BCAS3: variants seen among roughly 807,000 people sequenced by gnomAD.
BCAS3 encodes BCAS4/BCAS3 fusion.
In BCAS3, 53 loss-of-function variants were observed where a neutral mutation model predicts 116.1. The ratio of observed to expected loss-of-function variants is 0.46; its 90% CI spans 0.37 to 0.57. The LOEUF (loss-of-function observed/expected upper bound fraction) is 0.57, where lower values mean the gene tolerates loss of function less well. Among genes scored for constraint, BCAS3 ranks in the 20% least tolerant of loss-of-function variants. The pLI, the probability that BCAS3 is intolerant of heterozygous loss-of-function variation, is 0.00. For synonymous variants in BCAS3, 391 were observed against 408.2 expected, an observed-to-expected ratio of 0.96 and a Z score of 0.51; for missense variants, 917 against 1,165.4, an observed-to-expected ratio of 0.79 and a Z score of 3.10.
intron 4 of BCAS3, among the ~76,000 whole-genome samples, chr17:60,692,027 G>C (rs1056221135): frequency 2.7e-5 from 4 of 150,896 alleles, no homozygotes; most frequent in Non-Finnish European, 5.9e-5. Context: ...TCCAGCTTGG[G>C]GGCAACAAGA....
chr17:61,154,681 G>A (rs1224994116), intron 22 of BCAS3, among the ~76,000 whole-genome samples: 2 of 151,984 alleles, frequency 1.3e-5, no homozygotes, highest in African/African-American at 4.8e-5. Flanking sequence ...GAGCTTAAGC[G>A]ACCCTCCCCA....
At chr17:60,816,746 G>A (rs1453630257) in intron 7 of BCAS3, among the ~76,000 whole-genome samples, 1 of 152,140 alleles carries the variant, frequency 6.6e-6, no homozygotes, top group East Asian at 1.9e-4. Context: ...ACAGTTTGGG[G>A]TGGTTTTGTT....
At chr17:60,907,325 G>A (rs1057391787) in intron 11 of BCAS3, among the ~76,000 whole-genome samples, 3 of 151,942 alleles carry the variant, frequency 2.0e-5, no homozygotes, top group Non-Finnish European at 2.9e-5. Flanking sequence ...CCTCATTACC[G>A]TCTTATTTTC....
chr17:60,823,658 G>A (rs1349759718), intron 7 of BCAS3, among the ~76,000 whole-genome samples: 2 of 152,188 alleles, frequency 1.3e-5, no homozygotes, highest in Non-Finnish European at 2.9e-5. Context: ...AGTTAGGTCA[G>A]TCACTGAACT....
At chr17:61,270,964 G>A (rs752897436) in intron 22 of BCAS3, among the ~76,000 whole-genome samples, 11 of 151,240 alleles carry the variant, frequency 7.3e-5, no homozygotes, top group Non-Finnish European at 1.3e-4. Context: ...TCTCCATGTT[G>A]GTCAGCCTGG....
At position 61,084,969 on chromosome 17, in the gene BCAS3, T is replaced by C. The variant is rs2072959797; in HGVS notation, c.2425+405T>C. On this transcript the variant is annotated intron_variant, in intron 22 of 23. Transcript: ENST00000407086. This position sits in a 1 kb window ranked among gnomAD's most constrained non-coding sequence, Gnocchi z 5.5. ...GGGAGTAGAGAGGAGACAGTCCAAA[T>C]GCTATAGCTTGAATGATTTTATTAT... Among the ~76,000 whole-genome samples, 1 of 152,212 alleles carries C rather than the reference T, an allele frequency of 6.6e-6. No individual in the cohort carries two copies. Among genetic ancestry groups the C allele is most frequent in the African/African-American group, 2.4e-5 (1 of 41,450 alleles).
intron 22 of BCAS3, among the ~76,000 whole-genome samples, chr17:61,119,258 A>G (rs2075659325): frequency 6.6e-6 from 1 of 152,246 alleles, no homozygotes; most frequent in Admixed American, 6.5e-5. Context: ...CATAAAAGAG[A>G]GCTATGTAGC....
chr17:60,874,948 C>G (rs530618022), intron 9 of BCAS3, among the ~76,000 whole-genome samples: 54 of 152,164 alleles, frequency 3.5e-4, no homozygotes, highest in African/African-American at 1.3e-3. Context: ...TATTACTAAG[C>G]AAGCTTTGTT....
chr17:60,688,951 T>TAGGTTG, intron 3 of BCAS3: 1 of 152,240 alleles, frequency 6.6e-6, no homozygotes, highest in East Asian at 1.9e-4. Context: ...AAGCAGCTGA[T>TAGGTTG]AGGTTGGGTC....
At chr17:60,959,651 A>T (rs1030399082) in intron 14 of BCAS3, among the ~76,000 whole-genome samples, 17 of 152,210 alleles carry the variant, frequency 1.1e-4, no homozygotes, top group Non-Finnish European at 2.2e-4. Flanking sequence ...GATTGTTCAT[A>T]TTATAAAATT....
At chr17:61,168,617 T>C (rs1355059684) in intron 22 of BCAS3, among the ~76,000 whole-genome samples, 1 of 152,194 alleles carries the variant, frequency 6.6e-6, no homozygotes, top group African/African-American at 2.4e-5. Flanking sequence ...ATGTATGATA[T>C]GCTTGAGAGA....
chr17:60,830,968 C>T (rs1394138519), intron 7 of BCAS3, among the ~76,000 whole-genome samples: 1 of 151,766 alleles, frequency 6.6e-6, no homozygotes, highest in Non-Finnish European at 1.5e-5. Flanking sequence ...GACCCTCGGG[C>T]TCAAACAGTT....
rs2077816737 is a variant in BCAS3 at position 61,156,062 on chromosome 17, T to A, written c.2425+71498T>A. Among the ~76,000 whole-genome samples, 1 of 151,842 alleles carries A rather than the reference T, an allele frequency of 6.6e-6. No homozygotes were observed. The highest frequency in any genetic ancestry group is 2.1e-4 in the South Asian group (1 of 4,812). ...TTTTCCCAACAAGCTCACCAGGCAT[T>A]CAAAGGAAGAAAAGCATTTGCTGAG... On this transcript the variant is annotated intron_variant, in intron 22 of 23. Transcript: ENST00000407086. This position sits in a 1 kb window ranked among gnomAD's most constrained non-coding sequence, Gnocchi z 4.7.
In BCAS3 at chr17:61,233,551, A is replaced by G. The variant is rs2144450921; in HGVS notation, c.2426-134776A>G. On this transcript the variant is annotated intron_variant, in intron 22 of 23. Coordinates refer to ENST00000407086, the MANE Select transcript of BCAS3 (RefSeq NM_017679.5). The surrounding 1 kb of genome is among the most constrained non-coding windows in gnomAD (Gnocchi z 4.3). ...GGCTTCCCTGAAAGGTGGAGCCAGTAGACTTGATTTGGAGATGAAGCATAT... is the reference window on the plus strand; with the variant it reads ...GGCTTCCCTGAAAGGTGGAGCCAGTGGACTTGATTTGGAGATGAAGCATAT... Among the ~76,000 whole-genome samples the G allele has an allele frequency of 6.6e-6, 1 of 152,328 alleles. No individual in the cohort carries two copies. The highest frequency in any genetic ancestry group is 3.4e-3 in the Middle Eastern group (1 of 294).
rs910090832 is a variant in BCAS3, at chr17:61,241,475, G to C, written c.2426-126852G>C. Among the ~76,000 whole-genome samples the C allele has an allele frequency of 2.6e-5, 4 of 152,020 alleles. No individual in the cohort carries two copies. The highest frequency in any genetic ancestry group is 7.2e-5 in the African/African-American group (3 of 41,386). On this transcript the variant is annotated intron_variant, in intron 22 of 23. Coordinates refer to ENST00000407086, the MANE Select transcript of BCAS3 (RefSeq NM_017679.5). This position sits in a 1 kb window ranked among gnomAD's most constrained non-coding sequence, Gnocchi z 4.6. ...CCCTGTAATCCCAACACTTTGGGAG[G>C]CCGAGGCAGGCGGATCACGAGGTCA...
Position 61,046,480 on chromosome 17 carries a change from A to G in BCAS3, c.2029+5588A>G, listed in dbSNP as rs573478560. Among the ~76,000 whole-genome samples, 6 of 151,918 alleles carry G rather than the reference A, an allele frequency of 3.9e-5. No homozygotes were observed. In the South Asian group the frequency reaches 1.3e-3, roughly 32 times the overall value. On this transcript the variant is annotated intron_variant, in intron 19 of 23. Coordinates refer to ENST00000407086, the MANE Select transcript of BCAS3 (RefSeq NM_017679.5). ...AGATGCTCAAGTCCCTGATGCTGGT[A>G]CTATATTTGCATATGACCCACGCAC...
chr17:60,783,184 A>G (rs72843584), intron 6 of BCAS3, among the ~76,000 whole-genome samples: 1,902 of 152,210 alleles, frequency 0.012, 32 homozygotes, highest in South Asian at 0.026. Flanking sequence ...CAGTTTTTCA[A>G]TCAACAGTTT....
At chr17:61,090,663 C>A (rs2073476673) in intron 22 of BCAS3, among the ~76,000 whole-genome samples, 1 of 151,972 alleles carries the variant, frequency 6.6e-6, no homozygotes. Context: ...TTCTTTCTTT[C>A]TTTCTTTTTT....
intron 22 of BCAS3, chr17:61,353,521 T>C (rs1050052668): frequency 6.6e-6 from 1 of 152,278 alleles, no homozygotes; most frequent in African/African-American, 2.4e-5. Context: ...CGCACTTCAC[T>C]TCCCTGCCCT....
Sources: allele counts gnomAD v4.1 joint callset (sites outside exome capture counted in the v4.1 genomes callset), GRCh38; gene constraint gnomAD v4.1.1; non-coding constraint Gnocchi (gnomAD v3.1); transcripts MANE v1.5; gene names NCBI Gene and HGNC (gene_info 2026-07-23, HGNC 2026-07-21).